Variants in KAZN observed in about 807,000 individuals in gnomAD.
The protein encoded by KAZN is kazrin.
KAZN carries 40 observed loss-of-function variants against 87.4 expected under a neutral mutation model. That is an observed-to-expected ratio of 0.46 (90% CI 0.36 to 0.60). The LOEUF (loss-of-function observed/expected upper bound fraction) is 0.60, where lower values mean the gene tolerates loss of function less well. KAZN is among the 20% of genes least tolerant of loss of function. KAZN has a pLI of 0.00. For synonymous variants in KAZN, 466 were observed against 458.3 expected, an observed-to-expected ratio of 1.02 and a Z score of -0.22; for missense variants, 898 against 1,073.9, an observed-to-expected ratio of 0.84 and a Z score of 2.29.
Position 14,579,624 on chromosome 1 carries a change from C to CA in KAZN, c.250-19350dup, listed in dbSNP as rs1245744742. On this transcript the variant is annotated intron_variant, in intron 2 of 16. Coordinates refer to the KAZN transcript ENST00000636203. ...TGGGCAACACAGCGAGACTCCGTCTCAAAAAAAAATTAAAAAAAAAAAAAA... is the reference window on the plus strand; with the variant it reads ...TGGGCAACACAGCGAGACTCCGTCTCAAAAAAAAAATTAAAAAAAAAAAAAA... 1.8e-4 allele frequency among the ~76,000 whole-genome samples: 21 copies of CA among 118,488 alleles called. 1 individual carries two copies. Among genetic ancestry groups the CA allele is most frequent in the Admixed American group, 9.2e-4 (10 of 10,820 alleles). The allele number at this position is 118,488 out of a possible 152,430, so 77.7% of individuals were successfully genotyped here.
At position 14,589,331 on chromosome 1, in the gene KAZN, TAAA is replaced by T. The variant is rs33992055; in HGVS notation, c.250-9640_250-9638del. 6.3e-4 allele frequency among the ~76,000 whole-genome samples: 93 copies of T among 146,722 alleles called. 1 individual carries two copies. Among genetic ancestry groups the T allele is most frequent in the South Asian group, 2.6e-3 (12 of 4,624 alleles). On this transcript the variant is annotated intron_variant, in intron 2 of 16. Transcript: ENST00000636203. ...CCTCCTCAGCATAAAACAAGGCAGG[TAAA>T]AAAAAAAAAAAGGGAGGGGGGGCAG... is the stretch of plus-strand genomic sequence containing the variant.
intron 2 of KAZN, among the ~76,000 whole-genome samples, chr1:14,330,031 CT>C (rs1430626741): frequency 6.6e-6 from 1 of 152,210 alleles, no homozygotes; most frequent in Non-Finnish European, 1.5e-5. Flanking sequence ...CACCTGGAAG[CT>C]GCTCAGGGCA....
At chr1:14,183,022 T>G (rs1646230291) in intron 2 of KAZN, among the ~76,000 whole-genome samples, 1 of 152,150 alleles carries the variant, frequency 6.6e-6, no homozygotes, top group Non-Finnish European at 1.5e-5. Flanking sequence ...TTAATAGTAT[T>G]AGATGATGAT....
chr1:13,982,360 C>T (rs549610430), intron 1 of KAZN, among the ~76,000 whole-genome samples: 5 of 152,256 alleles, frequency 3.3e-5, no homozygotes, highest in East Asian at 3.9e-4. Context: ...TTCTGATGTT[C>T]GGATGTGTTC....
intron 1 of KAZN, among the ~76,000 whole-genome samples, chr1:14,953,604 A>G (rs1662754266): frequency 6.6e-6 from 1 of 152,170 alleles, no homozygotes; most frequent in African/African-American, 2.4e-5. Flanking sequence ...TAGAACATAT[A>G]GTATGTGCTC....
intron 1 of KAZN, among the ~76,000 whole-genome samples, chr1:14,630,306 G>A (rs887321436): frequency 1.3e-5 from 2 of 152,198 alleles, no homozygotes; most frequent in Non-Finnish European, 2.9e-5. Context: ...TTCTGTGAAA[G>A]TGTGGATGGT....
At chr1:14,587,107 T>C (rs1675897807) in intron 2 of KAZN, among the ~76,000 whole-genome samples, 1 of 152,204 alleles carries the variant, frequency 6.6e-6, no homozygotes, top group South Asian at 2.1e-4. Flanking sequence ...TATTAGTTCT[T>C]GCAGTCTCTA....
At chr1:13,926,032 G>A (rs545898033) in intron 1 of KAZN, among the ~76,000 whole-genome samples, 3 of 152,242 alleles carry the variant, frequency 2.0e-5, no homozygotes, top group African/African-American at 7.2e-5. Flanking sequence ...GGGGGACAGA[G>A]CGTGATTTGG....
At chr1:14,070,275 C>T (rs1275211617) in intron 1 of KAZN, among the ~76,000 whole-genome samples, 1 of 150,896 alleles carries the variant, frequency 6.6e-6, no homozygotes, top group African/African-American at 2.4e-5. Flanking sequence ...TTTTTATTAG[C>T]TTATTTTGAA....
chr1:15,051,338 A>G (rs569856643), intron 4 of KAZN, among the ~76,000 whole-genome samples: 196 of 152,364 alleles, frequency 1.3e-3, no homozygotes, highest in African/African-American at 4.5e-3. Flanking sequence ...GGCCCCAGCC[A>G]AAAGGCAGGT....
chr1:14,266,687 C>T (rs1207495314), intron 2 of KAZN, among the ~76,000 whole-genome samples: 3 of 152,126 alleles, frequency 2.0e-5, no homozygotes, highest in Non-Finnish European at 2.9e-5. Context: ...GAATGGGACA[C>T]GATTCCATCG....
chr1:15,108,028 T>G (rs944497182), intron 13 of KAZN, among the ~76,000 whole-genome samples: 2 of 152,156 alleles, frequency 1.3e-5, no homozygotes. Flanking sequence ...AGTAGCTGCA[T>G]AGGAGTCCCC....
intron 1 of KAZN, among the ~76,000 whole-genome samples, chr1:14,149,916 T>C (rs981855565): frequency 3.3e-5 from 5 of 152,178 alleles, no homozygotes; most frequent in African/African-American, 7.2e-5. Flanking sequence ...TCTCTAATGA[T>C]GAAAATATTA....
At chr1:14,369,328 C>T (rs897637556) in intron 2 of KAZN, among the ~76,000 whole-genome samples, 1 of 152,202 alleles carries the variant, frequency 6.6e-6, no homozygotes, top group African/African-American at 2.4e-5. Flanking sequence ...TTAACTTTAA[C>T]ACTATCCAAG....
At chr1:14,961,893 GC>G (rs1191238051) in intron 2 of KAZN, among the ~76,000 whole-genome samples, 1 of 152,224 alleles carries the variant, frequency 6.6e-6, no homozygotes, top group Non-Finnish European at 1.5e-5. Flanking sequence ...CCCACAGTGA[GC>G]ATTTGAGGCC....
At chr1:14,461,937 T>C (rs1667874152) in intron 2 of KAZN, among the ~76,000 whole-genome samples, 2 of 151,810 alleles carry the variant, frequency 1.3e-5, no homozygotes, top group Admixed American at 1.3e-4. Flanking sequence ...AAAATATGAA[T>C]TCTCTCCTGG....
At chr1:15,102,840 C>T (rs887854661) in intron 11 of KAZN, among the ~76,000 whole-genome samples, 6 of 152,168 alleles carry the variant, frequency 3.9e-5, no homozygotes, top group African/African-American at 1.4e-4. Flanking sequence ...GTTAGTGGAG[C>T]GAGGACAGCA....
intron 2 of KAZN, chr1:14,223,141 T>C (rs1265489400): frequency 2.0e-5 from 3 of 152,194 alleles, no homozygotes; most frequent in Non-Finnish European, 4.4e-5. Flanking sequence ...AGCTGTTGGA[T>C]GGTGGAAGAG....
At chr1:14,377,146 T>G (rs1239921656) in intron 2 of KAZN, among the ~76,000 whole-genome samples, 1 of 152,222 alleles carries the variant, frequency 6.6e-6, no homozygotes, top group African/African-American at 2.4e-5. Context: ...AGTGCTTAAA[T>G]GGAAGCCATT....
Sources: gnomAD v4.1 joint callset for allele counts (sites outside exome capture counted in the v4.1 genomes callset) on GRCh38, gnomAD v4.1.1 for gene constraint, MANE v1.5 for transcripts, NCBI Gene and HGNC (gene_info 2026-07-23, HGNC 2026-07-21) for gene names.